The following GCH1 variants were observed in gnomAD, a reference collection of about 807,000 sequenced individuals.
The protein encoded by GCH1 is GTP cyclohydrolase 1.
GCH1 carries 5 observed loss-of-function variants against 25.9 expected under a neutral mutation model. That is an observed-to-expected ratio of 0.19 (90% CI 0.10 to 0.41). The LOEUF (loss-of-function observed/expected upper bound fraction) is 0.41. Among genes scored for constraint, GCH1 ranks in the 10% least tolerant of loss-of-function variants. The pLI, the probability that GCH1 is intolerant of heterozygous loss-of-function variation, is 1.00. For missense variants in GCH1, 261 were observed against 336.5 expected (o/e 0.78, Z 1.75); for synonymous variants, 159 against 129.6 (o/e 1.23, Z -1.54).
intron 4 of GCH1, 43 bp downstream of exon 4, chr14:54,847,056 A>G: frequency 1.3e-6 from 1 of 796,008 alleles, no homozygotes. Flanking sequence ...AAAAAGAAAA[A>G]AAAGAAAAAT....
chr14:54,859,646 A>AC (rs1168230631), intron 3 of GCH1, 35 bp downstream of exon 3: 1 of 1,240,334 alleles, frequency 8.1e-7, no homozygotes, highest in African/African-American at 1.5e-5. Context: ...GGTCCTATAA[A>AC]CCTGTATTCT....
chr14:54,894,619 T>C (rs2040462019), intron 1 of GCH1, among the ~76,000 whole-genome samples: 1 of 152,182 alleles, frequency 6.6e-6, no homozygotes, highest in African/African-American at 2.4e-5. Flanking sequence ...GTCAGAAAAA[T>C]TGTTTATAGA....
intron 1 of GCH1, among the ~76,000 whole-genome samples, chr14:54,889,769 C>T (rs2040400399): frequency 1.3e-5 from 2 of 152,224 alleles, no homozygotes; most frequent in Non-Finnish European, 2.9e-5. Flanking sequence ...TCAGGATCTT[C>T]ACCTGGGTCT....
rs111974371 is a variant in GCH1 at position 54,886,630 on chromosome 14, A to C, written c.343+15691T>G. Among the ~76,000 whole-genome samples the C allele has an allele frequency of 2.1e-3, 319 of 152,234 alleles. 2 individuals are homozygous for C. Among genetic ancestry groups the C allele is most frequent in the African/African-American group, 6.7e-3 (278 of 41,520 alleles). ...GTCTCAAAAAACAAAACAAAACAAAAAAAACACCAGTTATTGTCCCGACTT... is the reference window on the plus strand; with the variant it reads ...GTCTCAAAAAACAAAACAAAACAAACAAAACACCAGTTATTGTCCCGACTT... On this transcript the variant is annotated intron_variant, in intron 1 of 5. Coordinates refer to ENST00000491895, the MANE Select transcript of GCH1 (RefSeq NM_000161.3).
At chr14:54,881,114 C>T (rs1212134218) in intron 1 of GCH1, among the ~76,000 whole-genome samples, 7 of 151,640 alleles carry the variant, frequency 4.6e-5, no homozygotes, top group East Asian at 1.9e-4. Context: ...TGTGAACCAC[C>T]GCGCCAGGCC....
chr14:54,897,355 C>T (rs1253660556), intron 1 of GCH1, among the ~76,000 whole-genome samples: 1 of 150,418 alleles, frequency 6.6e-6, no homozygotes, highest in Non-Finnish European at 1.5e-5. Context: ...ATGGTGCAAT[C>T]TTGGCTCACT....
At position 54,890,775 on chromosome 14, in the gene GCH1, C is replaced by CA. The variant is rs1335864936; in HGVS notation, c.343+11545dup. 8.5e-5 allele frequency among the ~76,000 whole-genome samples: 13 copies of CA among 152,302 alleles called. No homozygotes were observed. In the South Asian group the frequency reaches 2.7e-3, roughly 32 times the overall value. ...ACTTAGACCATAATCTCTAAACCAG[C>CA]ATGGACACGTTCTGCAAAAAACAAA... On this transcript the variant is annotated intron_variant, in intron 1 of 5. Transcript: ENST00000491895.
chr14:54,902,197 G>T, intron 1 of GCH1, 124 bp downstream of exon 1: 1 of 1,088,906 alleles, frequency 9.2e-7, no homozygotes, highest in Non-Finnish European at 1.3e-6. Flanking sequence ...GTTCGGAGGT[G>T]ACAGCGCCCG....
Position 54,865,260 on chromosome 14 carries a change from T to C in GCH1, c.453+67A>G. The C allele has an allele frequency of 4.0e-6, 3 of 758,896 alleles. No homozygotes were observed. The South Asian group carries it at 4.7e-5, about 12-fold the overall frequency. The allele number at this position is 758,896 out of a possible 1,614,324, so 47.0% of individuals were successfully genotyped here. On this transcript the variant is annotated intron_variant, in intron 2 of 5. Coordinates refer to ENST00000491895, the MANE Select transcript of GCH1 (RefSeq NM_000161.3). The stretch of plus-strand genomic sequence containing the variant: ...AATTGGCAGCTAAAAATTTTAAATA[T>C]AATTATTCTAATTGAAAAACTTTCA...
Position 54,843,162 on chromosome 14 carries a change from A to C in GCH1, c.*855T>G. ...ACATTTTGAGGCATCTACATGGATC[A>C]CACAAAGGAAACTCAATAAACCTAT... On this transcript the variant is annotated 3_prime_UTR_variant, in exon 6 of 6. Transcript: ENST00000491895. The C allele has an allele frequency of 6.6e-7, 1 of 1,505,916 alleles. No homozygotes were observed. Among genetic ancestry groups the C allele is most frequent in the Non-Finnish European group, 8.9e-7 (1 of 1,126,136 alleles). The allele number at this position is 1,505,916 out of a possible 1,614,324, so 93.3% of individuals were successfully genotyped here. A position where few individuals can be genotyped will look rare whatever the true frequency, so the allele number is the denominator to read the frequency against.
intron 1 of GCH1, among the ~76,000 whole-genome samples, chr14:54,869,451 T>C (rs550048088): frequency 1.3e-5 from 2 of 152,338 alleles, no homozygotes; most frequent in African/African-American, 4.8e-5. Flanking sequence ...TTTATAATTA[T>C]TCTGTAAGTC....
Position 54,890,316 on chromosome 14 carries a change from G to A in GCH1, c.343+12005C>T, listed in dbSNP as rs147980231. Among the ~76,000 whole-genome samples the A allele has an allele frequency of 6.5e-3, 991 of 152,264 alleles. 13 individuals carry two copies. Among genetic ancestry groups the A allele is most frequent in the African/African-American group, 0.022 (933 of 41,546 alleles). Reference sequence around the variant, plus strand: ...AGTTCGAGACCAGCCTGACCCACACGGAGAAACCCCATCTCTATTAAAAAC... The same window carrying A: ...AGTTCGAGACCAGCCTGACCCACACAGAGAAACCCCATCTCTATTAAAAAC... On this transcript the variant is annotated intron_variant, in intron 1 of 5. Transcript: ENST00000491895.
At chr14:54,880,484 CATATATATATATACTCCAT>C (rs2040234150) in intron 1 of GCH1, among the ~76,000 whole-genome samples, 1 of 59,320 alleles carries the variant, frequency 1.7e-5, no homozygotes, top group African/African-American at 9.9e-5. Context: ...ATATACACTC[CATATATATATATACTCCAT>C]ATATATATAT....
chr14:54,870,800 G>A (rs1270281525), intron 1 of GCH1, among the ~76,000 whole-genome samples: 2 of 152,222 alleles, frequency 1.3e-5, no homozygotes, highest in East Asian at 1.9e-4. Flanking sequence ...GAGGCTGGGG[G>A]AGGGGCACCC....
At chr14:54,901,646 GA>G (rs2140126011) in intron 1 of GCH1, among the ~76,000 whole-genome samples, 1 of 152,192 alleles carries the variant, frequency 6.6e-6, no homozygotes, top group Non-Finnish European at 1.5e-5. Flanking sequence ...GTGGGGGGAG[GA>G]AACAGATTTC....
chr14:54,866,867 A>G (rs1289313071), intron 1 of GCH1, among the ~76,000 whole-genome samples: 1 of 152,222 alleles, frequency 6.6e-6, no homozygotes, highest in Non-Finnish European at 1.5e-5. Context: ...ACAGACAAAC[A>G]GAGACACCCC....
intron 2 of GCH1, 32 bp from the exon 3 acceptor site, chr14:54,859,768 G>A: frequency 1.6e-6 from 2 of 1,243,982 alleles, no homozygotes; most frequent in Non-Finnish European, 2.4e-6. Context: ...CATTAGCTGA[G>A]TGAAAATACA....
chr14:54,900,843 T>TATCACA (rs1555362715), intron 1 of GCH1, among the ~76,000 whole-genome samples: 1 of 84,648 alleles, frequency 1.2e-5, no homozygotes, highest in Non-Finnish European at 2.3e-5. Context: ...TTGTGAAATA[T>TATCACA]CTCACACACA....
intron 1 of GCH1, among the ~76,000 whole-genome samples, chr14:54,894,160 C>CAG (rs1041487409): frequency 6.6e-6 from 1 of 152,090 alleles, no homozygotes; most frequent in African/African-American, 2.4e-5. Flanking sequence ...TCCTAAACCC[C>CAG]AGGTATCTTT....
Sources: gnomAD v4.1 joint callset for allele counts (sites outside exome capture counted in the v4.1 genomes callset) on GRCh38, gnomAD v4.1.1 for gene constraint, MANE v1.5 for transcripts, NCBI Gene and HGNC (gene_info 2026-07-23, HGNC 2026-07-21) for gene names.